Variants in TMEM232 observed in about 807,000 individuals in gnomAD.
The protein encoded by TMEM232 is transmembrane protein 232.
TMEM232 carries 80 observed loss-of-function variants against 78.8 expected under a neutral mutation model. The observed-to-expected ratio is 1.01, with a 90% CI of 0.85 to 1.22. The LOEUF (loss-of-function observed/expected upper bound fraction) is 1.22. Among genes scored for constraint, TMEM232 ranks in the 50% most tolerant of loss-of-function variants. TMEM232 has a pLI of 0.00. For missense variants in TMEM232, 881 were observed against 742.2 expected (o/e 1.19, Z -2.17); for synonymous variants, 297 against 254.3 (o/e 1.17, Z -1.60).
chr5:110,540,341 G>T (rs1436314560), intron 11 of TMEM232, among the ~76,000 whole-genome samples: 1 of 152,186 alleles, frequency 6.6e-6, no homozygotes, highest in Non-Finnish European at 1.5e-5. Context: ...ACTACCAGAA[G>T]TTCTAACCCC....
At chr5:110,522,348 G>C (rs1769656418) in intron 12 of TMEM232, among the ~76,000 whole-genome samples, 1 of 152,000 alleles carries the variant, frequency 6.6e-6, no homozygotes, top group Non-Finnish European at 1.5e-5. Flanking sequence ...ATATATATAA[G>C]GTCATATCAC....
chr5:110,657,895 T>C (rs10064494), intron 2 of TMEM232, among the ~76,000 whole-genome samples: 12,476 of 152,142 alleles, frequency 0.082, 583 homozygotes, highest in South Asian at 0.2. Context: ...ACTACTCTTT[T>C]GATAAGTTTG....
At chr5:110,660,730 T>C (rs1464528736) in intron 2 of TMEM232, among the ~76,000 whole-genome samples, 2 of 152,190 alleles carry the variant, frequency 1.3e-5, no homozygotes, top group Non-Finnish European at 1.5e-5. Context: ...TACATATTTA[T>C]GGGATACATG....
chr5:110,568,378 T>C, intron 11 of TMEM232, 69 bp downstream of exon 11: 2 of 1,352,850 alleles, frequency 1.5e-6, no homozygotes, highest in Non-Finnish European at 2.0e-6. Flanking sequence ...CCTTTTACCA[T>C]GGAGAGAAAT....
chr5:110,496,721 G>C (rs1765683039), intron 12 of TMEM232, among the ~76,000 whole-genome samples: 4 of 151,930 alleles, frequency 2.6e-5, no homozygotes, highest in Admixed American at 2.6e-4. Context: ...ACAGAGTTAG[G>C]CTGATTTATA....
At chr5:110,670,021 A>T (rs1312108282) in intron 1 of TMEM232, among the ~76,000 whole-genome samples, 11 of 152,066 alleles carry the variant, frequency 7.2e-5, no homozygotes, top group South Asian at 2.1e-4. Context: ...CCACAGCCAA[A>T]ATCATACTGA....
rs796424096 is a variant in TMEM232, at chr5:110,721,655, ATG to A, written c.-13+4970_-13+4971del. On this transcript the variant is annotated intron_variant, in intron 1 of 13. Transcript: ENST00000455884. ...TGTGAGATGTGTGAGTCTGCATATC[ATG>A]TGTGTGTGTGTGTGTGTATATATAT... Among the ~76,000 whole-genome samples the A allele has an allele frequency of 2.9e-3, 284 of 98,772 alleles. 37 individuals are homozygous for A. The highest frequency in any genetic ancestry group is 0.011 in the African/African-American group (259 of 23,982). 64.8% of individuals were successfully genotyped at this position (98,772 alleles called of 152,430 possible).
At chr5:110,477,368 T>G (rs313615) in intron 12 of TMEM232, among the ~76,000 whole-genome samples, 50,448 of 151,712 alleles carry the variant, frequency 0.33, 14,700 homozygotes, top group African/African-American at 0.78. Flanking sequence ...CTACTATTCA[T>G]CAATTATTAT....
chr5:110,489,725 A>C (rs1005478115), intron 12 of TMEM232, among the ~76,000 whole-genome samples: 1 of 152,112 alleles, frequency 6.6e-6, no homozygotes, highest in Non-Finnish European at 1.5e-5. Flanking sequence ...TTGTTTGCAG[A>C]TGGTATGATC....
chr5:110,467,637 T>A (rs1416670473), intron 12 of TMEM232, among the ~76,000 whole-genome samples: 1 of 152,176 alleles, frequency 6.6e-6, no homozygotes, highest in Admixed American at 6.5e-5. Context: ...CCTATATACA[T>A]CATATTAAGA....
At position 110,574,699 on chromosome 5, in the gene TMEM232, T is replaced by C. The variant is rs577146296; in HGVS notation, c.1277-6074A>G. ...TCCATAGTTGACCATACTCTATGTA[T>C]ATTGTCACACATCATTGCTAGAAGT... is the stretch of plus-strand genomic sequence containing the variant. On this transcript the variant is annotated intron_variant, in intron 10 of 13. Transcript: ENST00000455884. Among the ~76,000 whole-genome samples the C allele has an allele frequency of 2.6e-5, 4 of 152,230 alleles. No individual in the cohort carries two copies. In the South Asian group the frequency reaches 8.3e-4, roughly 32 times the overall value.
intron 1 of TMEM232, among the ~76,000 whole-genome samples, chr5:110,681,639 G>A (rs1473912851): frequency 6.6e-6 from 1 of 152,174 alleles, no homozygotes; most frequent in African/African-American, 2.4e-5. Context: ...AAGACACTTT[G>A]AAGTAGAGTG....
intron 12 of TMEM232, among the ~76,000 whole-genome samples, chr5:110,453,590 G>A (rs6879899): frequency 0.087 from 13,280 of 152,080 alleles, 735 homozygotes; most frequent in South Asian, 0.19. Flanking sequence ...CGTGAGCCAC[G>A]TATACCTTTA....
At chr5:110,726,001 T>C (rs1469280458) in intron 1 of TMEM232, among the ~76,000 whole-genome samples, 4 of 152,006 alleles carry the variant, frequency 2.6e-5, no homozygotes, top group African/African-American at 4.8e-5. Context: ...TACAGTCTTA[T>C]CCCCTCCTAG....
chr5:110,686,357 G>T (rs1177799194), intron 1 of TMEM232, among the ~76,000 whole-genome samples: 1 of 151,960 alleles, frequency 6.6e-6, no homozygotes, highest in African/African-American at 2.4e-5. Flanking sequence ...ATGTATAGAG[G>T]ATCAGGTTTA....
chr5:110,634,905 A>G (rs143427888), intron 5 of TMEM232, among the ~76,000 whole-genome samples: 1 of 152,014 alleles, frequency 6.6e-6, no homozygotes, highest in Admixed American at 6.6e-5. Context: ...AACAAAATGA[A>G]AAAGTTTTTT....
intron 11 of TMEM232, among the ~76,000 whole-genome samples, chr5:110,537,819 G>A (rs1772588478): frequency 6.6e-6 from 1 of 152,232 alleles, no homozygotes; most frequent in African/African-American, 2.4e-5. Context: ...AGAATCCCAG[G>A]AAATTTGCGG....
At chr5:110,591,108 C>A (rs539277466) in intron 10 of TMEM232, among the ~76,000 whole-genome samples, 1 of 152,226 alleles carries the variant, frequency 6.6e-6, no homozygotes, top group Non-Finnish European at 1.5e-5. Flanking sequence ...CTTCACAAAA[C>A]CATGATTTAA....
At chr5:110,578,068 G>A (rs911159159) in intron 10 of TMEM232, among the ~76,000 whole-genome samples, 8 of 151,848 alleles carry the variant, frequency 5.3e-5, no homozygotes, top group African/African-American at 1.9e-4. Flanking sequence ...TTAAAAAAAT[G>A]ATATTACAAA....
Sources: allele counts gnomAD v4.1 joint callset (sites outside exome capture counted in the v4.1 genomes callset), GRCh38; gene constraint gnomAD v4.1.1; transcripts MANE v1.5; gene names NCBI Gene and HGNC (gene_info 2026-07-23, HGNC 2026-07-21).